Variants in CABLES1 observed in about 807,000 individuals in gnomAD.
CABLES1 encodes the protein Cdk5 and Abl enzyme substrate 1.
In CABLES1, 36 loss-of-function variants were observed where a neutral mutation model predicts 57.8. The observed-to-expected ratio is 0.62, with a 90% confidence interval of 0.48 to 0.82. The LOEUF is 0.82. CABLES1 is among the 40% of genes least tolerant of loss of function. The probability of loss-of-function intolerance (pLI) is 0.00; values close to 1 mark genes in which losing one functional copy is unlikely to be tolerated. For synonymous variants in CABLES1, 374 were observed against 363.0 expected, an observed-to-expected ratio of 1.03 and a Z score of -0.35; for missense variants, 767 against 836.6, an observed-to-expected ratio of 0.92 and a Z score of 1.03.
At chr18:23,236,401 A>T (rs182406851) in intron 6 of CABLES1, among the ~76,000 whole-genome samples, 17 of 147,334 alleles carry the variant, frequency 1.2e-4, no homozygotes, top group African/African-American at 4.2e-4. Context: ...TTCGGACTTT[A>T]AAAAAAAAAA....
rs1427047702 is a variant in CABLES1 at position 23,135,999 on chromosome 18, G to A, written c.237G>A (p.Pro79=). The change falls in exon 1 of 10, where the codon CCG becomes CCA. Residue 79 remains proline, a synonymous_variant. Transcript: ENST00000256925. ...ACATCTCGCTGGACGGCCGGCTGCCGCCGCAGGACGCGGAGTGGGGCGGTG... is the reference window on the plus strand; with the variant it reads ...ACATCTCGCTGGACGGCCGGCTGCCACCGCAGGACGCGGAGTGGGGCGGTG... The part of the protein sequence containing the change: ...LTNISLDGRL[P]PQDAEWGGGE... The A allele has an allele frequency of 5.3e-6, 6 of 1,139,632 alleles. No homozygotes were observed. Among genetic ancestry groups the A allele is most frequent in the East Asian group, 4.6e-5 (1 of 21,786 alleles). 70.6% of individuals were successfully genotyped at this position (1,139,632 alleles called of 1,614,324 possible).
intron 7 of CABLES1, among the ~76,000 whole-genome samples, chr18:23,246,692 GT>G (rs1251641697): frequency 3.3e-5 from 5 of 151,260 alleles, no homozygotes; most frequent in African/African-American, 1.2e-4. Flanking sequence ...CACCCGGCCA[GT>G]TTTTTCGTTT....
intron 3 of CABLES1, among the ~76,000 whole-genome samples, chr18:23,210,715 G>A (rs766682455): frequency 6.6e-6 from 1 of 152,188 alleles, no homozygotes; most frequent in Non-Finnish European, 1.5e-5. Flanking sequence ...GTTCACGCCT[G>A]CAGTCCCTCC....
intron 6 of CABLES1, 30 bp from the exon 7 acceptor site, chr18:23,237,112 A>C (rs777133412): frequency 7.5e-7 from 1 of 1,335,522 alleles, no homozygotes; most frequent in South Asian, 1.2e-5. Flanking sequence ...GCCGCTAATT[A>C]TCATTTTGCA....
At position 23,214,058 on chromosome 18, in the gene CABLES1, T is replaced by G; in HGVS notation, c.1088+4T>G. ...ATCGCGACAGTACCCAAGTCGGGTA[T>G]GTATATGCATGCATGCTTTGTAGTT... On this transcript the variant is annotated splice_donor_region_variant and intron_variant, in intron 4 of 9. Transcript: ENST00000256925. 2 of 1,596,240 alleles carry G rather than the reference T, an allele frequency of 1.3e-6. No individual in the cohort carries two copies. Among genetic ancestry groups the G allele is most frequent in the Non-Finnish European group, 8.6e-7 (1 of 1,165,324 alleles).
rs1185696739 is a variant in CABLES1, at chr18:23,136,384, T to C, written c.622T>C (p.Leu208=). The C allele has an allele frequency of 3.2e-6, 5 of 1,554,764 alleles. No individual in the cohort carries two copies. The highest frequency in any genetic ancestry group is 5.1e-5 in the East Asian group (2 of 39,476). ...DGSGAAGQEE[L]EEDDAFISVQ... Reference sequence around the variant, plus strand: ...GTCCGGGGCCGCCGGGCAGGAGGAGTTGGAGGAGGACGATGCCTTTATCAG... The same window carrying C: ...GTCCGGGGCCGCCGGGCAGGAGGAGCTGGAGGAGGACGATGCCTTTATCAG... The change falls in exon 1 of 10, where the codon TTG becomes CTG. Residue 208 remains leucine, a synonymous_variant. Transcript: ENST00000256925.
intron 3 of CABLES1, among the ~76,000 whole-genome samples, chr18:23,195,860 C>T (rs1357695502): frequency 6.6e-6 from 1 of 152,152 alleles, no homozygotes; most frequent in South Asian, 2.1e-4. Context: ...ACAGAGCTTA[C>T]TCATGCCATT....
At chr18:23,243,872 CAAA>C (rs34013091) in intron 7 of CABLES1, among the ~76,000 whole-genome samples, 6 of 109,872 alleles carry the variant, frequency 5.5e-5, no homozygotes, top group African/African-American at 5.9e-5. Flanking sequence ...GACTCCGTTT[CAAA>C]AAAAAAAAAA....
chr18:23,221,405 C>T (rs1314960735), intron 4 of CABLES1, among the ~76,000 whole-genome samples: 1 of 152,206 alleles, frequency 6.6e-6, no homozygotes, highest in South Asian at 2.1e-4. Flanking sequence ...CTCTGAGAGA[C>T]ACAGAGGCGT....
intron 7 of CABLES1, among the ~76,000 whole-genome samples, chr18:23,242,707 C>CT (rs145982904): frequency 0.061 from 9,231 of 152,266 alleles, 835 homozygotes; most frequent in Admixed American, 0.24. Flanking sequence ...AGAAAACCGA[C>CT]TAACATTGTT....
At chr18:23,211,879 C>T (rs113377138) in intron 3 of CABLES1, among the ~76,000 whole-genome samples, 4 of 152,358 alleles carry the variant, frequency 2.6e-5, no homozygotes, top group African/African-American at 7.2e-5. Context: ...GGGCTCCATG[C>T]AGGCAAGCCC....
intron 1 of CABLES1, among the ~76,000 whole-genome samples, chr18:23,142,324 G>A (rs1375677909): frequency 6.6e-6 from 1 of 152,106 alleles, no homozygotes; most frequent in Non-Finnish European, 1.5e-5. Context: ...GGGCAATATC[G>A]CAGCTGGACT....
chr18:23,193,963 T>G (rs1195029840), intron 2 of CABLES1, among the ~76,000 whole-genome samples: 1 of 152,208 alleles, frequency 6.6e-6, no homozygotes, highest in Non-Finnish European at 1.5e-5. Flanking sequence ...CAGGTCAAGT[T>G]GAAACTTAAG....
chr18:23,156,166 G>C (rs759681192), intron 1 of CABLES1, among the ~76,000 whole-genome samples: 2 of 151,810 alleles, frequency 1.3e-5, no homozygotes, highest in Non-Finnish European at 2.9e-5. Flanking sequence ...CTCCATGGAG[G>C]GTCCTCCAGC....
At chr18:23,165,709 A>T (rs1354699457) in intron 1 of CABLES1, among the ~76,000 whole-genome samples, 1 of 152,214 alleles carries the variant, frequency 6.6e-6, no homozygotes, top group Non-Finnish European at 1.5e-5. Context: ...GCTGAATATT[A>T]TCCCATTATC....
At position 23,219,368 on chromosome 18, in the gene CABLES1, A is replaced by G. The variant is rs28642954; in HGVS notation, c.1088+5314A>G. 2,868 of 453,772 alleles carry G rather than the reference A, an allele frequency of 6.3e-3. 85 individuals are homozygous for G. The highest frequency in any genetic ancestry group is 0.049 in the African/African-American group (2,480 of 50,136). The allele number at this position is 453,772 out of a possible 1,614,324, so 28.1% of individuals were successfully genotyped here. Reference sequence around the variant, plus strand: ...AGAGGAAGGAGTTGGGTGAATTCAGATGGCAGGATCCGATGTAGTGCCCAG... The same window carrying G: ...AGAGGAAGGAGTTGGGTGAATTCAGGTGGCAGGATCCGATGTAGTGCCCAG... On this transcript the variant is annotated intron_variant, in intron 4 of 9. Transcript: ENST00000256925.
chr18:23,170,228 T>C (rs932388161), intron 1 of CABLES1, among the ~76,000 whole-genome samples: 3 of 152,222 alleles, frequency 2.0e-5, no homozygotes, highest in Admixed American at 6.5e-5. Flanking sequence ...AATGCCAAGA[T>C]GTTTGTAAAG....
At chr18:23,245,668 C>T (rs1167854986) in intron 7 of CABLES1, among the ~76,000 whole-genome samples, 3 of 152,222 alleles carry the variant, frequency 2.0e-5, no homozygotes, top group South Asian at 4.1e-4. Context: ...CAGGGCAGGC[C>T]AGGCAGGGCC....
At chr18:23,143,697 C>CT (rs1348134486) in intron 1 of CABLES1, among the ~76,000 whole-genome samples, 2 of 152,180 alleles carry the variant, frequency 1.3e-5, no homozygotes, top group East Asian at 3.9e-4. Flanking sequence ...GCCCAGTGCT[C>CT]TGTGCCCAGG....
Sources: gnomAD v4.1 joint callset for allele counts (sites outside exome capture counted in the v4.1 genomes callset) on GRCh38, gnomAD v4.1.1 for gene constraint, MANE v1.5 for transcripts, NCBI Gene and HGNC (gene_info 2026-07-23, HGNC 2026-07-21) for gene names.